The following ATP8B4 variants were observed in gnomAD, a reference collection of about 807,000 sequenced individuals.
ATP8B4 encodes the protein probable phospholipid-transporting ATPase IM.
In ATP8B4, 133 loss-of-function variants were observed where a neutral mutation model predicts 145.6. The observed-to-expected ratio is 0.91, with a 90% confidence interval of 0.79 to 1.05. ATP8B4 has a LOEUF of 1.05. Among genes scored for constraint, ATP8B4 ranks in the 50% least tolerant of loss-of-function variants. The pLI, the probability that ATP8B4 is intolerant of heterozygous loss-of-function variation, is 0.00. For missense variants in ATP8B4, 1,458 were observed against 1,425.2 expected (o/e 1.02, Z -0.37); for synonymous variants, 507 against 492.9 (o/e 1.03, Z -0.38).
rs755654002 is a variant in ATP8B4, at chr15:49,934,017, C to A, written c.1453G>T (p.Gly485Ter). 1 of 1,578,362 alleles carries A rather than the reference C, an allele frequency of 6.3e-7. No individual in the cohort carries two copies. The highest frequency in any genetic ancestry group is 1.2e-5 in the South Asian group (1 of 84,028). Residue 485 changes from glycine (G) to a stop codon, truncating the protein, a stop_gained and splice_region_variant, in exon 15 of 28, where the codon GGA becomes TGA. Transcript: ENST00000284509. LOFTEE classifies it high-confidence loss of function. ...HTVMSEENSAGELIYQVQSPD... is the reference protein window; with the variant it reads ...HTVMSEENSA ...CACTCAGACATAACTTTTCACTTAC[C>A]TGCGCTATTCTCTTCTGACATTACA... is the stretch of plus-strand genomic sequence containing the variant.
Position 49,883,367 on chromosome 15 carries a change from C to G in ATP8B4, c.2698-3908G>C, listed in dbSNP as rs138796977. 1.2e-3 allele frequency: 189 copies of G among 152,238 alleles called. 1 individual carries two copies. Among genetic ancestry groups the G allele is most frequent in the African/African-American group, 4.4e-3 (182 of 41,542 alleles). 9.4% of individuals were successfully genotyped at this position (152,238 alleles called of 1,614,324 possible). On this transcript the variant is annotated intron_variant, in intron 23 of 27. Coordinates refer to ENST00000284509, the MANE Select transcript of ATP8B4 (RefSeq NM_024837.4). ...AACTATCAGCATTTGTCAACCGGCA[C>G]TCAGATTTGAAGACTCATTTCACAG...
intron 3 of ATP8B4, among the ~76,000 whole-genome samples, chr15:50,048,400 T>A (rs1466067097): frequency 6.6e-6 from 1 of 152,100 alleles, no homozygotes; most frequent in Non-Finnish European, 1.5e-5. Context: ...TGTCGTTAGC[T>A]ACATGCTAAT....
chr15:50,043,682 G>A (rs566142093), intron 5 of ATP8B4, among the ~76,000 whole-genome samples: 62 of 152,160 alleles, frequency 4.1e-4, no homozygotes, highest in South Asian at 1.2e-3. Context: ...GGCCGGGCGC[G>A]GTGGCTCACG....
chr15:50,142,040 A>T (rs1038542358), intron 1 of ATP8B4, among the ~76,000 whole-genome samples: 1 of 152,212 alleles, frequency 6.6e-6, no homozygotes, highest in Non-Finnish European at 1.5e-5. Flanking sequence ...AAACTGAGGT[A>T]GGGAAAGAGG....
At chr15:49,862,095 C>G in intron 27 of ATP8B4, 150 bp downstream of exon 27, 2 of 956,358 alleles carry the variant, frequency 2.1e-6, no homozygotes, top group Non-Finnish European at 3.0e-6. Context: ...GTGGGAAGTC[C>G]CATCTATTCT....
intron 20 of ATP8B4, among the ~76,000 whole-genome samples, chr15:49,904,597 A>G (rs975384747): frequency 7.2e-5 from 11 of 152,224 alleles, no homozygotes; most frequent in Admixed American, 2.0e-4. Context: ...TGGCCTGCAC[A>G]GTGTCTTAAA....
intron 6 of ATP8B4, among the ~76,000 whole-genome samples, chr15:50,028,805 A>G (rs1315725016): frequency 1.3e-5 from 2 of 152,162 alleles, no homozygotes; most frequent in South Asian, 4.1e-4. Flanking sequence ...ACTGAGTGAA[A>G]GAACGAACAA....
rs753103547 is a variant in ATP8B4, at chr15:50,010,835, G to A, written c.435+10C>T. 2.0e-6 allele frequency: 3 copies of A among 1,499,798 alleles called. No homozygotes were observed. The highest frequency in any genetic ancestry group is 2.9e-5 in the African/African-American group (2 of 69,268). The allele number at this position is 1,499,798 out of a possible 1,614,324, so 92.9% of individuals were successfully genotyped here. ...TGAGATAAATTATTCAAACAATATTGAATACTTACAGCAACAAATTGGTTA... is the reference window on the plus strand; with the variant it reads ...TGAGATAAATTATTCAAACAATATTAAATACTTACAGCAACAAATTGGTTA... On this transcript the variant is annotated intron_variant, in intron 7 of 27. Transcript: ENST00000284509.
chr15:50,050,107 A>C (rs570159404), intron 3 of ATP8B4, among the ~76,000 whole-genome samples: 22 of 152,316 alleles, frequency 1.4e-4, no homozygotes, highest in African/African-American at 5.3e-4. Context: ...AGACATTCCC[A>C]AACCTTTCAA....
intron 17 of ATP8B4, 60 bp downstream of exon 17, chr15:49,923,319 A>AC (rs2040422186): frequency 8.5e-7 from 1 of 1,180,042 alleles, no homozygotes; most frequent in African/African-American, 1.6e-5. Flanking sequence ...TTTAAACAAG[A>AC]CCTAACCATA....
At chr15:50,081,037 C>T (rs963599617) in intron 2 of ATP8B4, among the ~76,000 whole-genome samples, 4 of 150,244 alleles carry the variant, frequency 2.7e-5, no homozygotes, top group African/African-American at 4.9e-5. Context: ...GGCGAGAACC[C>T]GGGAGGCGGA....
chr15:49,925,784 A>G (rs1381390501), intron 16 of ATP8B4, among the ~76,000 whole-genome samples: 1 of 152,164 alleles, frequency 6.6e-6, no homozygotes, highest in Non-Finnish European at 1.5e-5. Flanking sequence ...ATGTTTACTC[A>G]TTAAACATTT....
chr15:50,085,953 TC>T lies in ATP8B4; in HGVS notation c.29-11769del, dbSNP rs1460000843. Among the ~76,000 whole-genome samples the T allele has an allele frequency of 6.3e-5, 5 of 79,136 alleles. 1 individual carries two copies. The highest frequency in any genetic ancestry group is 9.0e-5 in the Non-Finnish European group (4 of 44,238). 51.9% of individuals were successfully genotyped at this position (79,136 alleles called of 152,430 possible). On this transcript the variant is annotated intron_variant, in intron 2 of 27. Transcript: ENST00000284509. ...CATATATATTTATATATGATATATA[TC>T]ATATATATTTATATATGATATATCA...
intron 20 of ATP8B4, among the ~76,000 whole-genome samples, chr15:49,910,182 T>C (rs2039083914): frequency 6.6e-6 from 1 of 152,016 alleles, no homozygotes; most frequent in African/African-American, 2.4e-5. Flanking sequence ...ATCCTGCAAC[T>C]GAAGAATTCA....
intron 2 of ATP8B4, among the ~76,000 whole-genome samples, chr15:50,088,833 G>C (rs1245181637): frequency 6.6e-6 from 1 of 152,154 alleles, no homozygotes; most frequent in East Asian, 1.9e-4. Flanking sequence ...CAGAATGATG[G>C]ATAGATGGAT....
chr15:50,004,447 G>A (rs1599751792), intron 7 of ATP8B4, among the ~76,000 whole-genome samples: 1 of 152,192 alleles, frequency 6.6e-6, no homozygotes, highest in East Asian at 1.9e-4. Context: ...ACTTTCCCCA[G>A]GACTCTGAGT....
intron 13 of ATP8B4, among the ~76,000 whole-genome samples, chr15:49,971,330 G>C (rs991973047): frequency 7.2e-5 from 11 of 152,154 alleles, no homozygotes; most frequent in African/African-American, 2.7e-4. Context: ...AGAGTGAACA[G>C]GCAACCTACA....
intron 2 of ATP8B4, among the ~76,000 whole-genome samples, chr15:50,087,574 G>A (rs1600297926): frequency 3.3e-5 from 5 of 151,420 alleles, no homozygotes; most frequent in Admixed American, 3.3e-4. Context: ...TTTTCATGGG[G>A]ATTTCACAGA....
intron 24 of ATP8B4, 187 bp from the exon 25 acceptor site, chr15:49,876,710 T>G: frequency 2.3e-6 from 2 of 877,406 alleles, no homozygotes; most frequent in Non-Finnish European, 3.6e-6. Flanking sequence ...AAATGATCTC[T>G]ACTTTACAGA....
Sources: allele counts gnomAD v4.1 joint callset (sites outside exome capture counted in the v4.1 genomes callset), GRCh38; gene constraint gnomAD v4.1.1; transcripts MANE v1.5; gene names NCBI Gene and HGNC (gene_info 2026-07-23, HGNC 2026-07-21).